Variants in TTC17 observed in about 807,000 individuals in gnomAD.
TTC17 encodes tetratricopeptide repeat domain 17, also known as tetratricopeptide repeat protein 17.
In TTC17, 58 loss-of-function variants were observed where a neutral mutation model predicts 143.8. The ratio of observed to expected loss-of-function variants is 0.40; its 90% CI spans 0.33 to 0.50. The LOEUF is 0.50. Among genes scored for constraint, TTC17 ranks in the 20% least tolerant of loss-of-function variants. The probability of loss-of-function intolerance (pLI) is 0.49; values close to 1 mark genes in which losing one functional copy is unlikely to be tolerated. For missense variants in TTC17, 1,273 were observed against 1,392.5 expected (o/e 0.91, Z 1.37); for synonymous variants, 501 against 497.8 (o/e 1.01, Z -0.09).
In TTC17 at chr11:43,450,147, G is replaced by C; in HGVS notation, c.2852G>C (p.Gly951Ala). 6.2e-7 allele frequency: 1 copy of C among 1,614,116 alleles called. No homozygotes were observed. Among genetic ancestry groups the C allele is most frequent in the Non-Finnish European group, 8.5e-7 (1 of 1,180,012 alleles). The change falls in exon 20 of 24, where the codon GGC (glycine) becomes GCC (alanine). Residue 951 changes from glycine to alanine, a missense_variant. Coordinates refer to ENST00000039989, the MANE Select transcript of TTC17 (RefSeq NM_018259.6). ...CCAGCAATGGAGCCTCTTTGCAATG[G>C]CAATCTCCCCACGAGTATGCATACC... ...QQPAMEPLCN[G>A]NLPTSMHTLD...
chr11:43,490,853 A>C (rs7102469), intron 22 of TTC17: 1 of 92,002 alleles, frequency 1.1e-5, no homozygotes, highest in Non-Finnish European at 2.1e-5. Context: ...TACTTTTTCC[A>C]CAAAAAAAAA....
chr11:43,476,519 A>T (rs568995656), intron 21 of TTC17, among the ~76,000 whole-genome samples: 1 of 152,244 alleles, frequency 6.6e-6, no homozygotes. Context: ...ATCTTCTGAA[A>T]TCTAGGTGGA....
At chr11:43,400,732 C>G (rs1452144892) in intron 9 of TTC17, among the ~76,000 whole-genome samples, 1 of 152,096 alleles carries the variant, frequency 6.6e-6, no homozygotes, top group Non-Finnish European at 1.5e-5. Flanking sequence ...ATTAAAATCT[C>G]TCAAGCATCT....
At chr11:43,436,437 A>C (rs1947294789) in intron 16 of TTC17, 1 of 1,074,318 alleles carries the variant, frequency 9.3e-7, no homozygotes. Flanking sequence ...CTTCTTTAAC[A>C]ATCATTATAT....
rs1483082078 is a variant in TTC17 at position 43,405,870 on chromosome 11, C to T, written c.1680C>T (p.Ser560=). 1 of 1,614,018 alleles carries T rather than the reference C, an allele frequency of 6.2e-7. No homozygotes were observed. Among genetic ancestry groups the T allele is most frequent in the Admixed American group, 1.7e-5 (1 of 59,982 alleles). ...PDCSITDFRK[S]HTLSYLVKEL... ...GTTCCATAACTGACTTCAGAAAAAG[C>T]CACACTCTGTCCTACTTAGTCAAAG... Residue 560 remains serine (S), a synonymous_variant, in exon 13 of 24, where the codon AGC becomes AGT. Coordinates refer to ENST00000039989, the MANE Select transcript of TTC17 (RefSeq NM_018259.6).
intron 1 of TTC17, among the ~76,000 whole-genome samples, chr11:43,373,489 A>G (rs1856649564): frequency 6.6e-6 from 1 of 151,840 alleles, no homozygotes; most frequent in African/African-American, 2.4e-5. Flanking sequence ...ACGCCCAGCT[A>G]ATTTTTTGTA....
chr11:43,359,101 A>G lies in TTC17; in HGVS notation c.147A>G (p.Lys49=), dbSNP rs200977749. 382 of 1,585,572 alleles carry G rather than the reference A, an allele frequency of 2.4e-4. 1 individual carries two copies. Among genetic ancestry groups the G allele is most frequent in the Non-Finnish European group, 2.8e-4 (322 of 1,168,012 alleles). The change falls in exon 1 of 24, where the codon AAA becomes AAG. Residue 49 remains lysine (K), a synonymous_variant. Transcript: ENST00000039989. ...ACTGGGTCGTCACGGAGGACGGGAA[A>G]ATCCAGCAGCAGGTAGCGGCCGGGG... The part of the protein sequence containing the change: ...TTHWVVTEDG[K]IQQQVDSPMN...
chr11:43,381,845 A>G (rs1468089315), intron 2 of TTC17, among the ~76,000 whole-genome samples: 1 of 152,198 alleles, frequency 6.6e-6, no homozygotes, highest in Non-Finnish European at 1.5e-5. Flanking sequence ...GACCTGAGTG[A>G]TTGCAAGGCT....
chr11:43,430,170 A>G (rs1028064186), intron 16 of TTC17, among the ~76,000 whole-genome samples: 1 of 152,190 alleles, frequency 6.6e-6, no homozygotes, highest in Non-Finnish European at 1.5e-5. Context: ...GCTCATGCCT[A>G]TAATCCCAGC....
At chr11:43,422,021 G>A (rs1370142919) in intron 16 of TTC17, among the ~76,000 whole-genome samples, 2 of 152,208 alleles carry the variant, frequency 1.3e-5, no homozygotes, top group Non-Finnish European at 2.9e-5. Flanking sequence ...AAGAGCGGAA[G>A]CATGAAGACC....
chr11:43,398,313 T>C (rs1218805588), intron 8 of TTC17, among the ~76,000 whole-genome samples, 200 bp downstream of exon 8: 1 of 152,234 alleles, frequency 6.6e-6, no homozygotes. Flanking sequence ...TTTAATTGTA[T>C]GGATTCCTGC....
Position 43,490,363 on chromosome 11 carries a change from G to C in TTC17, c.3150+5G>C, listed in dbSNP as rs1270994347. The C allele has an allele frequency of 6.3e-7, 1 of 1,594,758 alleles. No homozygotes were observed. Among genetic ancestry groups the C allele is most frequent in the African/African-American group, 1.3e-5 (1 of 74,624 alleles). On this transcript the variant is annotated splice_donor_5th_base_variant and intron_variant, in intron 22 of 23. Coordinates refer to ENST00000039989, the MANE Select transcript of TTC17 (RefSeq NM_018259.6). ...TATGCGCCACACCAGATGAAGGTGAGTGGGACTCAGAAGGTGGGAACTTCT... is the reference window on the plus strand; with the variant it reads ...TATGCGCCACACCAGATGAAGGTGACTGGGACTCAGAAGGTGGGAACTTCT...
In TTC17 at chr11:43,359,132, C is replaced by T. The variant is rs990494041; in HGVS notation, c.159+19C>T. On this transcript the variant is annotated intron_variant, in intron 1 of 23. Transcript: ENST00000039989. ...GCAGCAGGTAGCGGCCGGGGCGTCCCTCTTCTCCCGTGCCCGCCCTCGCCC... is the reference window on the plus strand; with the variant it reads ...GCAGCAGGTAGCGGCCGGGGCGTCCTTCTTCTCCCGTGCCCGCCCTCGCCC... The T allele has an allele frequency of 5.1e-6, 8 of 1,567,552 alleles. No individual in the cohort carries two copies. The East Asian group carries it at 2.0e-4, about 39-fold the overall frequency.
At chr11:43,401,084 T>C (rs1380203744) in intron 9 of TTC17, among the ~76,000 whole-genome samples, 1 of 152,216 alleles carries the variant, frequency 6.6e-6, no homozygotes. Flanking sequence ...AGAGCTCTTA[T>C]ATATGCATTT....
chr11:43,396,957 CAAAA>C (rs11406499), intron 6 of TTC17, 139 bp downstream of exon 6: 42 of 335,836 alleles, frequency 1.3e-4, no homozygotes, highest in East Asian at 2.9e-4. Flanking sequence ...AGTCCCACCA[CAAAA>C]AAAAAAAAAA....
At chr11:43,461,390 CAAAAAAAAA>C (rs750240102) in intron 21 of TTC17, among the ~76,000 whole-genome samples, 4,362 of 35,998 alleles carry the variant, frequency 0.12, 93 homozygotes, top group Middle Eastern at 0.22. Flanking sequence ...AACTCCGTCT[CAAAAAAAAA>C]AAAAAAAAAA....
At chr11:43,377,909 T>G (rs1314891159) in intron 1 of TTC17, among the ~76,000 whole-genome samples, 1 of 151,968 alleles carries the variant, frequency 6.6e-6, no homozygotes, top group Non-Finnish European at 1.5e-5. Flanking sequence ...TTTGTTTTGT[T>G]TTTTGTTTTT....
rs767668012 is a variant in TTC17, at chr11:43,391,872, C to T, written c.583C>T (p.Pro195Ser). Residue 195 changes from proline to serine, a missense_variant, in exon 5 of 24, where the codon CCA becomes TCA. Pro to Ser is a moderately conservative substitution (Grantham distance 74). Transcript: ENST00000039989. Reference sequence around the variant, plus strand: ...TGCACCTCTGCTACCTAAAGAAGACCCAATCTTCACATATTTATCTAAACG... The same window carrying T: ...TGCACCTCTGCTACCTAAAGAAGACTCAATCTTCACATATTTATCTAAACG... ...LSAPLLPKED[P>S]IFTYLSKRLG... 4 of 1,613,672 alleles carry T rather than the reference C, an allele frequency of 2.5e-6. No homozygotes were observed. In the African/African-American group the frequency reaches 4.0e-5, roughly 16 times the overall value.
intron 21 of TTC17, among the ~76,000 whole-genome samples, chr11:43,481,594 G>T (rs1948288625): frequency 6.6e-6 from 1 of 151,912 alleles, no homozygotes; most frequent in African/African-American, 2.4e-5. Flanking sequence ...TTCTTCTCTG[G>T]TGATCTTTGG....
Sources: gnomAD v4.1 joint callset for allele counts (sites outside exome capture counted in the v4.1 genomes callset) on GRCh38, gnomAD v4.1.1 for gene constraint, MANE v1.5 for transcripts, NCBI Gene and HGNC (gene_info 2026-07-23, HGNC 2026-07-21) for gene names.